AXIN2: variants seen among roughly 807,000 people sequenced by gnomAD.
The protein encoded by AXIN2 is axin 2.
AXIN2 carries 21 observed loss-of-function variants against 74.7 expected under a neutral mutation model. That is an observed-to-expected ratio of 0.28 (90% CI 0.20 to 0.40). AXIN2 has a LOEUF of 0.40. AXIN2 is among the 10% of genes least tolerant of loss of function. The pLI, the probability that AXIN2 is intolerant of heterozygous loss-of-function variation, is 1.00. For missense variants in AXIN2, 1,144 were observed against 1,111.1 expected (o/e 1.03, Z -0.42); for synonymous variants, 532 against 454.9 (o/e 1.17, Z -2.16).
intron 4 of AXIN2, among the ~76,000 whole-genome samples, chr17:65,538,684 A>ATC (rs2043990534): frequency 7.2e-6 from 1 of 138,790 alleles, no homozygotes; most frequent in African/African-American, 2.8e-5. Flanking sequence ...AAAAAAAAAA[A>ATC]AAAAAAAAAA....
At chr17:65,540,786 T>A (rs184173220) in intron 4 of AXIN2, among the ~76,000 whole-genome samples, 1 of 152,290 alleles carries the variant, frequency 6.6e-6, no homozygotes, top group East Asian at 1.9e-4. Flanking sequence ...CCCTTGCGCA[T>A]CATGATTGAA....
At chr17:65,555,304 C>G (rs973088926) in intron 2 of AXIN2, among the ~76,000 whole-genome samples, 2 of 152,134 alleles carry the variant, frequency 1.3e-5, no homozygotes, top group African/African-American at 4.8e-5. Context: ...ATCCCAGATG[C>G]CAGGTACTCT....
At position 65,536,474 on chromosome 17, in the gene AXIN2, A is replaced by G. The variant is rs770763142; in HGVS notation, c.1987T>C (p.Trp663Arg). Reference sequence around the variant, plus strand: ...CGGGGGTGCCCGCTGTTGCCCCCCCACAGATGGTGCCGGCTGGCTCGTTCG... The same window carrying G: ...CGGGGGTGCCCGCTGTTGCCCCCCCGCAGATGGTGCCGGCTGGCTCGTTCG... The part of the protein sequence containing the change: ...PGERASRHHL[W>R]GGNSGHPRTT... The change falls in exon 8 of 11, where the codon TGG (tryptophan) becomes CGG (arginine). Residue 663 changes from tryptophan (W) to arginine (R), a missense_variant. By Grantham distance (101) the Trp-to-Arg change is moderately radical (BLOSUM62 -3). Coordinates refer to ENST00000307078, the MANE Select transcript of AXIN2 (RefSeq NM_004655.4). The G allele has an allele frequency of 2.7e-5, 44 of 1,613,888 alleles. No homozygotes were observed. Among genetic ancestry groups the G allele is most frequent in the Non-Finnish European group, 3.7e-5 (44 of 1,180,018 alleles).
Position 65,536,555 on chromosome 17 carries a change from T to C in AXIN2, c.1908-2A>G, listed in dbSNP as rs978837790. On this transcript the variant is annotated splice_acceptor_variant, in intron 7 of 10. Transcript: ENST00000307078. LOFTEE classifies it high-confidence loss of function. ...TAGGCCTTTTTTGTGCTTTGGGCAC[T>C]AAACAAGGAATGAGCAGAGAGAAAA... The C allele has an allele frequency of 5.0e-6, 8 of 1,613,372 alleles. No individual in the cohort carries two copies. In the Admixed American group the frequency reaches 1.0e-4, roughly 20 times the overall value.
chr17:65,541,408 T>C, intron 4 of AXIN2, 47 bp downstream of exon 4: 1 of 1,533,250 alleles, frequency 6.5e-7, no homozygotes, highest in Non-Finnish European at 9.0e-7. Flanking sequence ...TCTTTAGGAC[T>C]CAACATGGCA....
At position 65,529,815 on chromosome 17, in the gene AXIN2, C is replaced by A. The variant is rs2043785906; in HGVS notation, c.*161G>T. 8.7e-7 allele frequency: 1 copy of A among 1,146,866 alleles called. No homozygotes were observed. The highest frequency in any genetic ancestry group is 1.3e-5 in the South Asian group (1 of 74,132). 71.0% of individuals were successfully genotyped at this position (1,146,866 alleles called of 1,614,324 possible). Reference sequence around the variant, plus strand: ...GCTCATGAATCATGAAAATCAACCTCCCCCCGCCCTCCCGAAGGCCCACTG... The same window carrying A: ...GCTCATGAATCATGAAAATCAACCTACCCCCGCCCTCCCGAAGGCCCACTG... On this transcript the variant is annotated 3_prime_UTR_variant, in exon 11 of 11. Coordinates refer to ENST00000307078, the MANE Select transcript of AXIN2 (RefSeq NM_004655.4).
At chr17:65,532,421 AAGC>A (rs1009157323) in intron 10 of AXIN2, among the ~76,000 whole-genome samples, 3 of 152,182 alleles carry the variant, frequency 2.0e-5, no homozygotes, top group East Asian at 3.9e-4. Context: ...TTCAAGATAA[AAGC>A]AGCAGCAGCA....
chr17:65,548,020 A>G (rs2144530241), intron 3 of AXIN2, among the ~76,000 whole-genome samples: 1 of 152,346 alleles, frequency 6.6e-6, no homozygotes, highest in South Asian at 2.1e-4. Flanking sequence ...ATTCTAAGAA[A>G]TATGTCCACC....
chr17:65,552,864 A>T (rs2044213464), intron 2 of AXIN2, among the ~76,000 whole-genome samples: 1 of 152,130 alleles, frequency 6.6e-6, no homozygotes, highest in Non-Finnish European at 1.5e-5. Flanking sequence ...CCCCGTCTCT[A>T]CTAAAAATAC....
At chr17:65,537,130 G>T in intron 6 of AXIN2, 67 bp from the exon 7 acceptor site, 1 of 1,571,636 alleles carries the variant, frequency 6.4e-7, no homozygotes, top group South Asian at 1.1e-5. Flanking sequence ...CCTAGAATCA[G>T]ACAATTCAGC....
Position 65,530,982 on chromosome 17 carries a change from C to A in AXIN2, c.2406-880G>T, listed in dbSNP as rs928372357. ...CTTGGGCCAGGCCCACCCCTAAACC[C>A]CTTCCGAGGAAATTAAGCAAGGGCC... On this transcript the variant is annotated intron_variant, in intron 10 of 10. Coordinates refer to ENST00000307078, the MANE Select transcript of AXIN2 (RefSeq NM_004655.4). Among the ~76,000 whole-genome samples, 5 of 152,214 alleles carry A rather than the reference C, an allele frequency of 3.3e-5. No homozygotes were observed. In the East Asian group the frequency reaches 9.6e-4, roughly 29 times the overall value.
In AXIN2 at chr17:65,536,894, G is replaced by A. The variant is rs200201811; in HGVS notation, c.1882C>T (p.Arg628Trp). ...DVWQWMLESE[R>W]QSKPKPHSAQ... ...CTATGGGGCTTGGGCTTGCTCTGCCGCTCACTCTCCAGCATCCACTGCCAG... is the reference window on the plus strand; with the variant it reads ...CTATGGGGCTTGGGCTTGCTCTGCCACTCACTCTCCAGCATCCACTGCCAG... The change falls in exon 7 of 11, where the codon CGG becomes TGG. Residue 628 changes from arginine to tryptophan, a missense_variant. Physicochemically the swap from Arg to Trp is moderately radical, Grantham distance 101 (BLOSUM62 -3). This residue lies in a region of AXIN2 where 1,053 missense variants were observed against 973.5 expected (regional missense o/e 1.08). Coordinates refer to ENST00000307078, the MANE Select transcript of AXIN2 (RefSeq NM_004655.4). 292 of 1,613,314 alleles carry A rather than the reference G, an allele frequency of 1.8e-4. 1 individual carries two copies. The highest frequency in any genetic ancestry group is 2.0e-4 in the Non-Finnish European group (239 of 1,179,964).
At chr17:65,531,476 G>A (rs772852056) in intron 10 of AXIN2, among the ~76,000 whole-genome samples, 41 of 151,942 alleles carry the variant, frequency 2.7e-4, no homozygotes, top group Non-Finnish European at 4.4e-4. Context: ...TCTGTGCACA[G>A]GAGACTCAGG....
At chr17:65,531,003 G>C (rs896466320) in intron 10 of AXIN2, among the ~76,000 whole-genome samples, 17 of 152,166 alleles carry the variant, frequency 1.1e-4, no homozygotes, top group Non-Finnish European at 2.2e-4. Flanking sequence ...AATTAAGCAA[G>C]GGCCTCTTCC....
intron 1 of AXIN2, chr17:65,560,123 C>G (rs1020309879): frequency 2.0e-5 from 3 of 152,470 alleles, no homozygotes; most frequent in Non-Finnish European, 4.4e-5. Context: ...GGGGTCGGTC[C>G]CCGGCGCCGC....
At position 65,558,025 on chromosome 17, in the gene AXIN2, T is replaced by C. The variant is rs1567768726; in HGVS notation, c.596A>G (p.Tyr199Cys). 2 of 1,614,122 alleles carry C rather than the reference T, an allele frequency of 1.2e-6. No homozygotes were observed. Among genetic ancestry groups the C allele is most frequent in the Non-Finnish European group, 1.7e-6 (2 of 1,180,042 alleles). Residue 199 changes from tyrosine to cysteine, a missense_variant, in exon 2 of 11, where the codon TAT becomes TGT. By Grantham distance (194) the Tyr-to-Cys change is radical. This residue lies in a region of AXIN2 where 1,053 missense variants were observed against 973.5 expected (regional missense o/e 1.08). Coordinates refer to ENST00000307078, the MANE Select transcript of AXIN2 (RefSeq NM_004655.4). Reference protein sequence around the residue: ...MFLTSDIYLEYVRSGGENTAY... With the variant: ...MFLTSDIYLECVRSGGENTAY... ...TGTGTTTTCTCCCCCACTCCTCACA[T>C]ATTCGAGGTATATATCAGAAGTCAA...
Position 65,535,741 on chromosome 17 carries a change from G to A in AXIN2, c.2142-20C>T, listed in dbSNP as rs764171738. On this transcript the variant is annotated intron_variant, in intron 8 of 10. Transcript: ENST00000307078. Reference sequence around the variant, plus strand: ...CAGCACCTGAGGACACAGCCAGGGCGAGGGATTTAGAGGTACACTGTTGTC... The same window carrying A: ...CAGCACCTGAGGACACAGCCAGGGCAAGGGATTTAGAGGTACACTGTTGTC... 236 of 1,594,808 alleles carry A rather than the reference G, an allele frequency of 1.5e-4. No individual in the cohort carries two copies. In the Middle Eastern group the frequency reaches 2.3e-3, roughly 16 times the overall value.
chr17:65,551,454 CCAGGGGACAG>C (rs1030688334), intron 2 of AXIN2, among the ~76,000 whole-genome samples: 1 of 152,070 alleles, frequency 6.6e-6, no homozygotes. Flanking sequence ...GGCCAGGAGG[CCAGGGGACAG>C]CAGGGGTGCC....
In AXIN2 at chr17:65,554,510, C is replaced by T. The variant is rs932660447; in HGVS notation, c.815+3296G>A. On this transcript the variant is annotated intron_variant, in intron 2 of 10. Coordinates refer to ENST00000307078, the MANE Select transcript of AXIN2 (RefSeq NM_004655.4). Reference sequence around the variant, plus strand: ...GCAAACTTTTACAAGTGGATCTTAGCAAACTGCCCTCACCAGAGCTTCCAT... The same window carrying T: ...GCAAACTTTTACAAGTGGATCTTAGTAAACTGCCCTCACCAGAGCTTCCAT... 2.0e-5 allele frequency among the ~76,000 whole-genome samples: 3 copies of T among 152,378 alleles called. 1 individual carries two copies. The Middle Eastern group carries it at 0.01, about 518-fold the overall frequency.
Sources: allele counts gnomAD v4.1 joint callset (sites outside exome capture counted in the v4.1 genomes callset), GRCh38; gene constraint gnomAD v4.1.1; regional missense constraint gnomAD v4.1.1; transcripts MANE v1.5; gene names NCBI Gene and HGNC (gene_info 2026-07-23, HGNC 2026-07-21).